HS3ST3A1: variants seen among roughly 807,000 people sequenced by gnomAD.
HS3ST3A1 encodes heparan sulfate glucosamine 3-O-sulfotransferase 3A1.
Under a neutral mutation model 25.7 loss-of-function variants are expected in HS3ST3A1, and 19 were observed. The ratio of observed to expected loss-of-function variants is 0.74; its 90% CI spans 0.52 to 1.08. The LOEUF (loss-of-function observed/expected upper bound fraction) is 1.08. Ranked by LOEUF, HS3ST3A1 falls within the 50% of genes least tolerant of loss-of-function variation. The pLI is 0.00. For synonymous variants in HS3ST3A1, 226 were observed against 278.6 expected, an observed-to-expected ratio of 0.81 and a Z score of 1.88; for missense variants, 459 against 594.3, an observed-to-expected ratio of 0.77 and a Z score of 2.37.
At chr17:13,535,638 T>C (rs1906749766) in intron 1 of HS3ST3A1, among the ~76,000 whole-genome samples, 1 of 149,778 alleles carries the variant, frequency 6.7e-6, no homozygotes, top group African/African-American at 2.5e-5. Flanking sequence ...GAGGATCAAC[T>C]GCATTTGTTA....
intron 1 of HS3ST3A1, among the ~76,000 whole-genome samples, chr17:13,547,861 C>T (rs1308148779): frequency 2.0e-5 from 3 of 150,892 alleles, no homozygotes; most frequent in African/African-American, 7.3e-5. Context: ...GATGCTAACT[C>T]CAGGTAGATA....
At chr17:13,504,971 G>C (rs1905610997) in intron 1 of HS3ST3A1, among the ~76,000 whole-genome samples, 1 of 152,200 alleles carries the variant, frequency 6.6e-6, no homozygotes, top group Admixed American at 6.5e-5. Context: ...AGTTATACTT[G>C]CAAAACATTT....
At chr17:13,600,450 G>C in intron 1 of HS3ST3A1, 81 bp downstream of exon 1, 1 of 1,442,466 alleles carries the variant, frequency 6.9e-7, no homozygotes, top group Non-Finnish European at 9.1e-7. Context: ...GCGAACTGGG[G>C]GTCACCGAGG....
chr17:13,550,790 C>A (rs1305819515), intron 1 of HS3ST3A1, among the ~76,000 whole-genome samples: 1 of 152,020 alleles, frequency 6.6e-6, no homozygotes. Context: ...CAAATCAGGC[C>A]CGGCGCAGTG....
chr17:13,496,436 C>A lies in HS3ST3A1; in HGVS notation c.982G>T (p.Asp328Tyr), dbSNP rs573362673. The A allele has an allele frequency of 1.7e-4, 227 of 1,359,302 alleles. 1 individual carries two copies. The African/African-American group carries it at 2.9e-3, about 18-fold the overall frequency. The allele number at this position is 1,359,302 out of a possible 1,614,324, so 84.2% of individuals were successfully genotyped here. Reference protein sequence around the residue: ...DPAGELGRVQDFLGLKRIITD... With the variant: ...DPAGELGRVQYFLGLKRIITD... ...ATGATCCTCTTGAGGCCCAGGAAGT[C>A]TTGCACGCGGCCCAGCTCCCCGGCC... The change falls in exon 2 of 2, where the codon GAC becomes TAC. Residue 328 changes from aspartate to tyrosine, a missense_variant. By Grantham distance (160) the Asp-to-Tyr change is radical. Coordinates refer to ENST00000284110, the MANE Select transcript of HS3ST3A1 (RefSeq NM_006042.3).
At chr17:13,577,731 A>C (rs1484564094) in intron 1 of HS3ST3A1, among the ~76,000 whole-genome samples, 1 of 152,238 alleles carries the variant, frequency 6.6e-6, no homozygotes, top group Non-Finnish European at 1.5e-5. Context: ...TTAATGGCAA[A>C]GCCACGGCTA....
At chr17:13,565,280 A>G (rs1164084643) in intron 1 of HS3ST3A1, among the ~76,000 whole-genome samples, 1 of 152,134 alleles carries the variant, frequency 6.6e-6, no homozygotes, top group Non-Finnish European at 1.5e-5. Flanking sequence ...GCCCCTGCCT[A>G]TAATCCCAGC....
chr17:13,594,943 C>T (rs144369797), intron 1 of HS3ST3A1, among the ~76,000 whole-genome samples: 19 of 152,268 alleles, frequency 1.2e-4, no homozygotes, highest in African/African-American at 4.3e-4. Flanking sequence ...TTCCTGACTC[C>T]TCCTCCCACT....
At chr17:13,593,286 C>T (rs537404713) in intron 1 of HS3ST3A1, among the ~76,000 whole-genome samples, 7 of 148,942 alleles carry the variant, frequency 4.7e-5, no homozygotes, top group African/African-American at 1.2e-4. Context: ...TCCTCTGACC[C>T]TTATTTTAGT....
intron 1 of HS3ST3A1, among the ~76,000 whole-genome samples, chr17:13,547,719 C>T (rs967684108): frequency 3.9e-5 from 6 of 151,918 alleles, no homozygotes; most frequent in Non-Finnish European, 8.8e-5. Flanking sequence ...ATTATTGAAC[C>T]TAAGAAAGGG....
At chr17:13,566,354 T>G (rs1352312464) in intron 1 of HS3ST3A1, among the ~76,000 whole-genome samples, 1 of 152,202 alleles carries the variant, frequency 6.6e-6, no homozygotes, top group African/African-American at 2.4e-5. Flanking sequence ...GTGTACTGAC[T>G]GCTCCACAGA....
chr17:13,535,813 G>GCCGC (rs1906755443), intron 1 of HS3ST3A1, among the ~76,000 whole-genome samples: 1 of 152,170 alleles, frequency 6.6e-6, no homozygotes, highest in Non-Finnish European at 1.5e-5. Flanking sequence ...AAAATGGCAA[G>GCCGC]TTGGTATCAA....
At chr17:13,531,976 G>C (rs1431298754) in intron 1 of HS3ST3A1, among the ~76,000 whole-genome samples, 1 of 152,222 alleles carries the variant, frequency 6.6e-6, no homozygotes, top group Non-Finnish European at 1.5e-5. Flanking sequence ...GTAGGAAAGA[G>C]AGAGGGGACA....
intron 1 of HS3ST3A1, among the ~76,000 whole-genome samples, chr17:13,575,340 T>C (rs529544895): frequency 6.6e-6 from 1 of 152,302 alleles, no homozygotes; most frequent in East Asian, 1.9e-4. Context: ...TCAGCCTCAA[T>C]TTTGATTTCA....
intron 1 of HS3ST3A1, 99 bp from the exon 2 acceptor site, chr17:13,496,917 C>T (rs1299982963): frequency 1.3e-6 from 2 of 1,481,732 alleles, no homozygotes; most frequent in Middle Eastern, 1.8e-4. Flanking sequence ...AATTCCAGCC[C>T]CCGCAACCCC....
chr17:13,596,417 G>A (rs936307180), intron 1 of HS3ST3A1, among the ~76,000 whole-genome samples: 7 of 36,856 alleles, frequency 1.9e-4, no homozygotes, highest in South Asian at 3.5e-3. Context: ...GTGCGCGTGC[G>A]TACACACACA....
chr17:13,514,181 T>C (rs1251868773), intron 1 of HS3ST3A1, among the ~76,000 whole-genome samples: 1 of 152,052 alleles, frequency 6.6e-6, no homozygotes, highest in Non-Finnish European at 1.5e-5. Context: ...ATTAATGATA[T>C]TTATCCCTTG....
chr17:13,510,214 CAGG>C (rs1382118776), intron 1 of HS3ST3A1, among the ~76,000 whole-genome samples: 2 of 152,204 alleles, frequency 1.3e-5, no homozygotes, highest in African/African-American at 4.8e-5. Flanking sequence ...GCGCTCTTGA[CAGG>C]AGTTTTATAA....
In HS3ST3A1 at chr17:13,600,891, A is replaced by G; in HGVS notation, c.239T>C (p.Val80Ala). 6.7e-7 allele frequency: 1 copy of G among 1,484,048 alleles called. No homozygotes were observed. Among genetic ancestry groups the G allele is most frequent in the Admixed American group, 2.6e-5 (1 of 38,582 alleles). The allele number at this position is 1,484,048 out of a possible 1,614,324, so 91.9% of individuals were successfully genotyped here. Residue 80 changes from valine to alanine, a missense_variant, in exon 1 of 2, where the codon GTG becomes GCG. Physicochemically the swap from Val to Ala is moderately conservative, Grantham distance 64. Around this residue, in one of 3 missense-constraint regions of HS3ST3A1, gnomAD observed 346 missense variants for 303.9 expected, o/e 1.14. Transcript: ENST00000284110. ...VLAGGPRELA[V>A]WPAAAQRKRL... ...CTTTCTCTGTGCCGCCGCCGGCCAC[A>G]CCGCCAGCTCCCTCGGGCCTCCGGC...
Sources: allele counts gnomAD v4.1 joint callset (sites outside exome capture counted in the v4.1 genomes callset), GRCh38; gene constraint gnomAD v4.1.1; regional missense constraint gnomAD v4.1.1; transcripts MANE v1.5; gene names NCBI Gene and HGNC (gene_info 2026-07-23, HGNC 2026-07-21).